The following TUSC3 variants were observed in gnomAD, a reference collection of about 807,000 sequenced individuals.
TUSC3 encodes dolichyl-diphosphooligosaccharide--protein glycosyltransferase subunit TUSC3.
TUSC3 carries 45 observed loss-of-function variants against 44.8 expected under a neutral mutation model. That is an observed-to-expected ratio of 1.00 (90% CI 0.79 to 1.29). The LOEUF is 1.29. Ranked by LOEUF, TUSC3 falls within the 50% of genes most tolerant of loss-of-function variation. The pLI, the probability that TUSC3 is intolerant of heterozygous loss-of-function variation, is 0.00. For synonymous variants in TUSC3, 212 were observed against 152.9 expected (o/e 1.39, Z -2.85); for missense variants, 519 against 437.9 (o/e 1.19, Z -1.65).
intron 2 of TUSC3, among the ~76,000 whole-genome samples, chr8:15,531,646 C>G (rs1453339554): frequency 2.0e-5 from 3 of 152,186 alleles, no homozygotes; most frequent in African/African-American, 4.8e-5. Flanking sequence ...CTCATCCTTT[C>G]TTCTGAGAAG....
intron 2 of TUSC3, among the ~76,000 whole-genome samples, chr8:15,631,509 T>G (rs1161009296): frequency 6.6e-6 from 1 of 152,174 alleles, no homozygotes; most frequent in East Asian, 1.9e-4. Flanking sequence ...TTACCAAAAT[T>G]CACTAATTAG....
At chr8:15,509,598 A>T (rs1028820672) in intron 2 of TUSC3, among the ~76,000 whole-genome samples, 2 of 152,124 alleles carry the variant, frequency 1.3e-5, no homozygotes, top group African/African-American at 4.8e-5. Context: ...ACAGAGTGAG[A>T]CACCATCTCA....
At position 15,602,867 on chromosome 8, in the gene TUSC3, G is replaced by A. The variant is rs999601592; in HGVS notation, c.139-20213G>A. Among the ~76,000 whole-genome samples the A allele has an allele frequency of 4.6e-5, 7 of 151,324 alleles. No individual in the cohort carries two copies. The East Asian group carries it at 1.4e-3, about 29-fold the overall frequency. On this transcript the variant is annotated intron_variant, in intron 1 of 10. Coordinates refer to ENST00000503731, the MANE Select transcript of TUSC3 (RefSeq NM_006765.4). ...GGAACTGAAAGTGATCCATGGAAAA[G>A]TAAAAGTAGATTATTACCTTGTAAC... is the stretch of plus-strand genomic sequence containing the variant.
intron 1 of TUSC3, among the ~76,000 whole-genome samples, chr8:15,447,627 T>A (rs1345845602): frequency 2.0e-5 from 3 of 151,860 alleles, no homozygotes; most frequent in Non-Finnish European, 1.5e-5. Context: ...TTGACTTTCT[T>A]GATACTAACA....
At chr8:15,521,632 C>T (rs575205684) in intron 2 of TUSC3, among the ~76,000 whole-genome samples, 1 of 152,176 alleles carries the variant, frequency 6.6e-6, no homozygotes, top group African/African-American at 2.4e-5. Flanking sequence ...AAAAAAGGTA[C>T]GTGCATAAAC....
chr8:15,691,807 C>G (rs376064297), intron 6 of TUSC3, among the ~76,000 whole-genome samples: 1 of 138,740 alleles, frequency 7.2e-6, no homozygotes, highest in Non-Finnish European at 1.6e-5. Flanking sequence ...TTGAGACAGT[C>G]TCGCTCTGTT....
At chr8:15,595,108 A>G (rs1233688101) in intron 1 of TUSC3, among the ~76,000 whole-genome samples, 1 of 152,182 alleles carries the variant, frequency 6.6e-6, no homozygotes, top group African/African-American at 2.4e-5. Flanking sequence ...TTGCATTCCC[A>G]TCACTTTGTT....
At chr8:15,486,008 G>A (rs1800728503) in intron 2 of TUSC3, among the ~76,000 whole-genome samples, 1 of 152,048 alleles carries the variant, frequency 6.6e-6, no homozygotes, top group African/African-American at 2.4e-5. Context: ...TGGGCAGGCT[G>A]GTCTCAAACT....
In TUSC3 at chr8:15,502,651, T is replaced by C. The variant is rs185294296; in HGVS notation, n.189+19168T>C. 5.2e-3 allele frequency among the ~76,000 whole-genome samples: 784 copies of C among 152,194 alleles called. 8 individuals carry two copies. Among genetic ancestry groups the C allele is most frequent in the African/African-American group, 0.018 (754 of 41,546 alleles). Reference sequence around the variant, plus strand: ...GACTACAGGAACCCACCACCACACCTGGCTACTTTTTTTGTATTTTTAGTA... The same window carrying C: ...GACTACAGGAACCCACCACCACACCCGGCTACTTTTTTTGTATTTTTAGTA... On this transcript the variant is annotated intron_variant and non_coding_transcript_variant, in intron 2 of 5. Transcript: ENST00000503191.
At chr8:15,519,495 A>G (rs567298618) in intron 2 of TUSC3, among the ~76,000 whole-genome samples, 1 of 152,294 alleles carries the variant, frequency 6.6e-6, no homozygotes, top group Admixed American at 6.5e-5. Context: ...CAGGCCACAC[A>G]GCAGGAGGTG....
chr8:15,743,624 T>C lies in TUSC3; in HGVS notation c.937+12T>C, dbSNP rs1397868131. ...TGGAAAAAGACGGAGTAAGTCTCTG[T>C]GTTGCCATTTTTGTAATTTCGTTTT... On this transcript the variant is annotated intron_variant, in intron 8 of 10. Transcript: ENST00000503731. 1 of 1,613,870 alleles carries C rather than the reference T, an allele frequency of 6.2e-7. No homozygotes were observed. Among genetic ancestry groups the C allele is most frequent in the Non-Finnish European group, 8.5e-7 (1 of 1,179,780 alleles).
At chr8:15,697,568 C>T (rs1809224607) in intron 6 of TUSC3, among the ~76,000 whole-genome samples, 1 of 152,160 alleles carries the variant, frequency 6.6e-6, no homozygotes, top group Non-Finnish European at 1.5e-5. Flanking sequence ...ACCACAGAAT[C>T]AGAATTGTAT....
chr8:15,722,143 A>G lies in TUSC3; in HGVS notation c.799-8523A>G, dbSNP rs1394840013. On this transcript the variant is annotated intron_variant, in intron 6 of 10. Transcript: ENST00000503731. ...GATCCTGGGAGTTTTCCATACCTGCAGTCTATGTTTTTGTTGGCTGACTTT... is the reference window on the plus strand; with the variant it reads ...GATCCTGGGAGTTTTCCATACCTGCGGTCTATGTTTTTGTTGGCTGACTTT... Among the ~76,000 whole-genome samples, 4 of 151,872 alleles carry G rather than the reference A, an allele frequency of 2.6e-5. No homozygotes were observed. The South Asian group carries it at 8.3e-4, about 32-fold the overall frequency.
chr8:15,713,756 C>T (rs536853278), intron 6 of TUSC3, among the ~76,000 whole-genome samples: 38 of 151,934 alleles, frequency 2.5e-4, no homozygotes, highest in Non-Finnish European at 4.6e-4. Context: ...TCCTAGTGAC[C>T]TCATTTAATG....
rs955510218 is a variant in TUSC3, at chr8:15,733,852, G to A, written c.862+3123G>A. Among the ~76,000 whole-genome samples, 3 of 152,052 alleles carry A rather than the reference G, an allele frequency of 2.0e-5. 1 individual carries two copies. The South Asian group carries it at 6.2e-4, about 32-fold the overall frequency. On this transcript the variant is annotated intron_variant, in intron 7 of 10. Coordinates refer to ENST00000503731, the MANE Select transcript of TUSC3 (RefSeq NM_006765.4). ...AGTTGAGGAGTTTGAGACCAGCCTG[G>A]GCAACAGTAGGGGGAATCCTGTCTC...
At chr8:15,448,536 T>A (rs1469545294) in intron 1 of TUSC3, among the ~76,000 whole-genome samples, 1 of 152,160 alleles carries the variant, frequency 6.6e-6, no homozygotes, top group East Asian at 1.9e-4. Context: ...GTTCTACTCT[T>A]AAGAAAATAG....
intron 1 of TUSC3, among the ~76,000 whole-genome samples, chr8:15,596,175 T>C (rs991868190): frequency 1.8e-4 from 27 of 152,224 alleles, no homozygotes; most frequent in African/African-American, 6.5e-4. Flanking sequence ...ATTGGGAACA[T>C]ATATCCATCT....
chr8:15,842,218 G>A, the TUSC3 span, among the ~76,000 whole-genome samples: 1 of 152,130 alleles, frequency 6.6e-6, no homozygotes, highest in Non-Finnish European at 1.5e-5. Context: ...CTAAGAGAAC[G>A]AGTATGAATC....
At chr8:15,503,015 T>G (rs1800989031) in intron 2 of TUSC3, among the ~76,000 whole-genome samples, 1 of 152,186 alleles carries the variant, frequency 6.6e-6, no homozygotes, top group South Asian at 2.1e-4. Flanking sequence ...ATTTAAACCA[T>G]TCTGAGACCC....
Sources: gnomAD v4.1 joint callset for allele counts (sites outside exome capture counted in the v4.1 genomes callset) on GRCh38, gnomAD v4.1.1 for gene constraint, MANE v1.5 for transcripts, NCBI Gene and HGNC (gene_info 2026-07-23, HGNC 2026-07-21) for gene names.